Variants in SLC10A2 observed in about 807,000 individuals in gnomAD.
SLC10A2 encodes ileal sodium/bile acid cotransporter.
A neutral mutation model predicts 27.1 loss-of-function variants in SLC10A2; 34 were observed. The observed-to-expected ratio is 1.26, with a 90% CI of 0.96 to 1.67. The LOEUF is 1.67. Ranked by LOEUF, SLC10A2 falls within the 40% of genes most tolerant of loss-of-function variation. The pLI, the probability that SLC10A2 is intolerant of heterozygous loss-of-function variation, is 0.00. For missense variants in SLC10A2, 530 were observed against 444.4 expected, an observed-to-expected ratio of 1.19 and a Z score of -1.73; for synonymous variants, 205 against 174.0, an observed-to-expected ratio of 1.18 and a Z score of -1.40.
chr13:103,059,912 C>T (rs752784678), intron 1 of SLC10A2, among the ~76,000 whole-genome samples: 11 of 152,124 alleles, frequency 7.2e-5, no homozygotes, highest in Admixed American at 2.6e-4. Flanking sequence ...AGCATGCAAG[C>T]GGCAGGGTAG....
chr13:103,047,060 C>G (rs952283237), intron 5 of SLC10A2, among the ~76,000 whole-genome samples: 1 of 152,142 alleles, frequency 6.6e-6, no homozygotes, highest in African/African-American at 2.4e-5. Flanking sequence ...AAGAGGAGGA[C>G]AGAAAATACT....
At chr13:103,053,900 A>T (rs1010871779) in intron 2 of SLC10A2, among the ~76,000 whole-genome samples, 2 of 152,148 alleles carry the variant, frequency 1.3e-5, no homozygotes, top group Non-Finnish European at 2.9e-5. Flanking sequence ...GAATAATGGA[A>T]AAAAAGATGT....
Position 103,046,031 on chromosome 13 carries a change from C to T in SLC10A2, c.*102G>A. The T allele has an allele frequency of 6.9e-7, 1 of 1,440,718 alleles. No homozygotes were observed. Among genetic ancestry groups the T allele is most frequent in the Non-Finnish European group, 9.7e-7 (1 of 1,032,506 alleles). The allele number at this position is 1,440,718 out of a possible 1,614,324, so 89.2% of individuals were successfully genotyped here. On this transcript the variant is annotated 3_prime_UTR_variant, in exon 6 of 6. Transcript: ENST00000245312. ...AATTCCAATGAAATTCCAATTTTCA[C>T]TTTAACTCTTTTCTGCCAACTGTCC...
chr13:103,057,513 G>A lies in SLC10A2; in HGVS notation c.496+751C>T, dbSNP rs769161087. Among the ~76,000 whole-genome samples, 82 of 152,236 alleles carry A rather than the reference G, an allele frequency of 5.4e-4. 1 individual carries two copies. Among genetic ancestry groups the A allele is most frequent in the Non-Finnish European group, 1.0e-3 (69 of 68,020 alleles). The stretch of plus-strand genomic sequence containing the variant: ...TCGAGTGTTAGAAACAGTGTGTTTC[G>A]TCTAGCAGTTTTCTGTTGTAACACT... On this transcript the variant is annotated intron_variant, in intron 2 of 5. Coordinates refer to ENST00000245312, the MANE Select transcript of SLC10A2 (RefSeq NM_000452.3).
intron 2 of SLC10A2, among the ~76,000 whole-genome samples, chr13:103,055,162 C>T (rs1421941345): frequency 6.6e-6 from 1 of 152,026 alleles, no homozygotes; most frequent in Non-Finnish European, 1.5e-5. Context: ...TTTGTTTCCT[C>T]ATTTGTAAAA....
intron 4 of SLC10A2, among the ~76,000 whole-genome samples, chr13:103,050,185 G>A (rs79137940): frequency 0.027 from 4,079 of 152,194 alleles, 72 homozygotes; most frequent in African/African-American, 0.042. Context: ...AATCTTGACA[G>A]AAAGTCTATA....
rs199543682 is a variant in SLC10A2 at position 103,044,949 on chromosome 13, A to T, written c.*1184T>A. 8 of 152,264 alleles carry T rather than the reference A, an allele frequency of 5.3e-5. No individual in the cohort carries two copies. Among genetic ancestry groups the T allele is most frequent in the Admixed American group, 1.3e-4 (2 of 15,284 alleles). The allele number at this position is 152,264 out of a possible 1,614,324, so 9.4% of individuals were successfully genotyped here. On this transcript the variant is annotated 3_prime_UTR_variant, in exon 6 of 6. Transcript: ENST00000245312. ...TGGCTTCCCTTGGCTACACCTACTT[A>T]CAGCATTGAAACAACTTTCCTGGCT... is the stretch of plus-strand genomic sequence containing the variant.
chr13:103,048,506 C>T (rs1475026716), intron 5 of SLC10A2, among the ~76,000 whole-genome samples: 4 of 151,996 alleles, frequency 2.6e-5, no homozygotes, highest in Non-Finnish European at 5.9e-5. Context: ...CTAACATTTA[C>T]ATTAGTTTTG....
chr13:103,051,078 T>C (rs1875762859), intron 4 of SLC10A2, among the ~76,000 whole-genome samples, 179 bp downstream of exon 4: 2 of 152,116 alleles, frequency 1.3e-5, no homozygotes, highest in Non-Finnish European at 1.5e-5. Flanking sequence ...TCATAGCCCT[T>C]AGAAAGAATC....
At position 103,044,839 on chromosome 13, in the gene SLC10A2, C is replaced by T. The variant is rs1262084667; in HGVS notation, c.*1294G>A. 4 of 152,128 alleles carry T rather than the reference C, an allele frequency of 2.6e-5. No individual in the cohort carries two copies. The highest frequency in any genetic ancestry group is 9.7e-5 in the African/African-American group (4 of 41,434). The allele number at this position is 152,128 out of a possible 1,614,324, so 9.4% of individuals were successfully genotyped here. A position where few individuals can be genotyped will look rare whatever the true frequency, so the allele number is the denominator to read the frequency against. ...AGAATGAGGGAAAGGAAATTAAATT[C>T]GATCTTATAATTGAAAGTCCAACAC... On this transcript the variant is annotated 3_prime_UTR_variant, in exon 6 of 6. Coordinates refer to ENST00000245312, the MANE Select transcript of SLC10A2 (RefSeq NM_000452.3).
At chr13:103,062,004 TA>T (rs764504427) in intron 1 of SLC10A2, among the ~76,000 whole-genome samples, 92 of 150,374 alleles carry the variant, frequency 6.1e-4, no homozygotes, top group African/African-American at 1.9e-3. Context: ...ATAAGAAAAA[TA>T]AAAAAAAAAT....
At chr13:103,051,008 GAC>G (rs1875761006) in intron 4 of SLC10A2, among the ~76,000 whole-genome samples, 1 of 152,254 alleles carries the variant, frequency 6.6e-6, no homozygotes, top group Admixed American at 6.5e-5. Context: ...ACTGAGGAAA[GAC>G]ACAGGAAGAA....
At chr13:103,054,611 A>C (rs17274342) in intron 2 of SLC10A2, among the ~76,000 whole-genome samples, 1 of 151,954 alleles carries the variant, frequency 6.6e-6, no homozygotes. Flanking sequence ...AAGAGTATTC[A>C]TCTTTTTGAG....
In SLC10A2 at chr13:103,049,205, C is replaced by T. The variant is rs59949705; in HGVS notation, c.919+84G>A. Reference sequence around the variant, plus strand: ...TATTTGTACAATTCACCACCAGGAACGGGGAGTTTTAAAAAAATGTTGTTT... The same window carrying T: ...TATTTGTACAATTCACCACCAGGAATGGGGAGTTTTAAAAAAATGTTGTTT... On this transcript the variant is annotated intron_variant, in intron 5 of 5. Transcript: ENST00000245312. 5,456 of 1,411,534 alleles carry T rather than the reference C, an allele frequency of 3.9e-3. 180 individuals are homozygous for T. In the African/African-American group the frequency reaches 0.068, roughly 18 times the overall value. The allele number at this position is 1,411,534 out of a possible 1,614,324, so 87.4% of individuals were successfully genotyped here.
rs745602440 is a variant in SLC10A2 at position 103,058,262 on chromosome 13, A to G, written c.496+2T>C. On this transcript the variant is annotated splice_donor_variant, in intron 2 of 5. Coordinates refer to ENST00000245312, the MANE Select transcript of SLC10A2 (RefSeq NM_000452.3). LOFTEE classifies it high-confidence loss of function. ...CAACAGTCTTACAGATGGATGACTT[A>G]CCTATGTTATCATAGGGAATTACGA... The G allele has an allele frequency of 1.3e-6, 2 of 1,490,858 alleles. No individual in the cohort carries two copies. The highest frequency in any genetic ancestry group is 1.1e-5 in the South Asian group (1 of 88,572). The allele number at this position is 1,490,858 out of a possible 1,614,324, so 92.4% of individuals were successfully genotyped here.
chr13:103,051,244 C>T lies in SLC10A2; in HGVS notation c.761+13G>A. 1 of 1,613,384 alleles carries T rather than the reference C, an allele frequency of 6.2e-7. No homozygotes were observed. ...AGATTAAAATTCCCAATGTGATTTA[C>T]TAAATGCCATACCTGTACCAGGGTA... On this transcript the variant is annotated intron_variant, in intron 4 of 5. Coordinates refer to ENST00000245312, the MANE Select transcript of SLC10A2 (RefSeq NM_000452.3).
intron 1 of SLC10A2, among the ~76,000 whole-genome samples, chr13:103,063,894 A>G (rs72657894): frequency 0.087 from 13,190 of 152,306 alleles, 596 homozygotes; most frequent in South Asian, 0.11. Context: ...TAGAGGATAA[A>G]TGATAGAGAG....
chr13:103,047,668 A>G (rs1405287699), intron 5 of SLC10A2, among the ~76,000 whole-genome samples: 1 of 152,000 alleles, frequency 6.6e-6, no homozygotes, highest in African/African-American at 2.4e-5. Flanking sequence ...CTTAACAAAG[A>G]TTCCTCCCTT....
chr13:103,052,637 C>A lies in SLC10A2; in HGVS notation c.568G>T (p.Ala190Ser). ...ATACTTACTTTAAGTATGATCTTTGCTTTTTGGGGCCATTTGTGATTAACA... is the reference window on the plus strand; with the variant it reads ...ATACTTACTTTAAGTATGATCTTTGATTTTTGGGGCCATTTGTGATTAACA... ...MFVNHKWPQK[A>S]KIILKIGSIA... Residue 190 changes from alanine (A) to serine (S), a missense_variant, in exon 3 of 6, where the codon GCA becomes TCA. Physicochemically the swap from Ala to Ser is moderately conservative, Grantham distance 99. Transcript: ENST00000245312. 2 of 1,609,906 alleles carry A rather than the reference C, an allele frequency of 1.2e-6. No homozygotes were observed. Among genetic ancestry groups the A allele is most frequent in the Middle Eastern group, 3.3e-4 (2 of 6,046 alleles).
Sources: gnomAD v4.1 joint callset for allele counts (sites outside exome capture counted in the v4.1 genomes callset) on GRCh38, gnomAD v4.1.1 for gene constraint, MANE v1.5 for transcripts, NCBI Gene and HGNC (gene_info 2026-07-23, HGNC 2026-07-21) for gene names.